MACROD2: variants seen among roughly 807,000 people sequenced by gnomAD.
The protein encoded by MACROD2 is ADP-ribose glycohydrolase MACROD2.
In MACROD2, 36 loss-of-function variants were observed where a neutral mutation model predicts 70.4. That is an observed-to-expected ratio of 0.51 (90% CI 0.39 to 0.68). MACROD2 has a LOEUF of 0.68. MACROD2 is among the 30% of genes least tolerant of loss of function. The probability of loss-of-function intolerance (pLI) is 0.00; values close to 1 mark genes in which losing one functional copy is unlikely to be tolerated. For synonymous variants in MACROD2, 172 were observed against 178.8 expected, an observed-to-expected ratio of 0.96 and a Z score of 0.30; for missense variants, 496 against 538.4, an observed-to-expected ratio of 0.92 and a Z score of 0.78.
chr20:14,336,628 A>T (rs1037890258), intron 3 of MACROD2, among the ~76,000 whole-genome samples: 4 of 152,000 alleles, frequency 2.6e-5, no homozygotes, highest in African/African-American at 9.7e-5. Context: ...GCTACCCCAA[A>T]CTCACTGCAT....
chr20:14,213,994 G>A (rs1011163557), intron 3 of MACROD2, among the ~76,000 whole-genome samples: 1 of 152,062 alleles, frequency 6.6e-6, no homozygotes, highest in African/African-American at 2.4e-5. Flanking sequence ...GCTATTTTGT[G>A]CACCTACTTG....
At chr20:14,599,135 A>T in intron 4 of MACROD2, among the ~76,000 whole-genome samples, 1 of 152,164 alleles carries the variant, frequency 6.6e-6, no homozygotes, top group East Asian at 1.9e-4. Context: ...GTATATATTA[A>T]GTATATAAGT....
At chr20:14,382,163 G>A (rs748335544) in intron 3 of MACROD2, among the ~76,000 whole-genome samples, 7 of 149,556 alleles carry the variant, frequency 4.7e-5, no homozygotes, top group South Asian at 2.1e-4. Context: ...CAGGGTTCAC[G>A]CCATTCTTCT....
chr20:15,854,068 G>A (rs2064330147), intron 8 of MACROD2, among the ~76,000 whole-genome samples: 1 of 152,134 alleles, frequency 6.6e-6, no homozygotes, highest in Admixed American at 6.5e-5. Context: ...TGCACATCTT[G>A]TTCAGTTTTC....
chr20:15,638,308 T>G (rs1600699735), intron 8 of MACROD2, among the ~76,000 whole-genome samples: 2 of 152,300 alleles, frequency 1.3e-5, no homozygotes, highest in East Asian at 3.9e-4. Context: ...AATATCTCAA[T>G]AGAAATGGAA....
At chr20:15,239,680 G>A (rs952535714) in intron 6 of MACROD2, among the ~76,000 whole-genome samples, 3 of 152,082 alleles carry the variant, frequency 2.0e-5, no homozygotes, top group Non-Finnish European at 2.9e-5. Flanking sequence ...AAGCTATCCC[G>A]GAGGATGCAC....
intron 8 of MACROD2, among the ~76,000 whole-genome samples, chr20:15,571,152 T>C (rs2048371954): frequency 6.6e-6 from 1 of 152,176 alleles, no homozygotes; most frequent in South Asian, 2.1e-4. Context: ...AAATACTTTT[T>C]ACTGAAGCCA....
At chr20:15,281,107 C>T (rs560459033) in intron 6 of MACROD2, among the ~76,000 whole-genome samples, 1 of 152,330 alleles carries the variant, frequency 6.6e-6, no homozygotes, top group East Asian at 1.9e-4. Flanking sequence ...TGAGAACTCA[C>T]TCACTATCAC....
At chr20:14,918,276 AG>A (rs2048854669) in intron 5 of MACROD2, among the ~76,000 whole-genome samples, 1 of 152,138 alleles carries the variant, frequency 6.6e-6, no homozygotes, top group South Asian at 2.1e-4. Context: ...GGACTAGAAA[AG>A]GTTTTTCATG....
chr20:14,055,441 T>C (rs1455631555), intron 2 of MACROD2, among the ~76,000 whole-genome samples: 1 of 151,562 alleles, frequency 6.6e-6, no homozygotes, highest in Non-Finnish European at 1.5e-5. Context: ...TCTCTTTTAT[T>C]GCTCTTCCAT....
At position 14,938,940 on chromosome 20, in the gene MACROD2, A is replaced by ATTTTTTTTTT. The variant is rs1230863391; in HGVS notation, c.418+253994_418+254003dup. Among the ~76,000 whole-genome samples the ATTTTTTTTTT allele has an allele frequency of 1.0e-3, 89 of 86,420 alleles. 1 individual carries two copies. Among genetic ancestry groups the ATTTTTTTTTT allele is most frequent in the Middle Eastern group, 5.8e-3 (1 of 172 alleles). The allele number at this position is 86,420 out of a possible 152,430, so 56.7% of individuals were successfully genotyped here. Reference sequence around the variant, plus strand: ...GATATTTTTTTCATTGTTAAATCAGATTTTTTTTTTTTTTTTTTTTTTACT... The same window carrying ATTTTTTTTTT: ...GATATTTTTTTCATTGTTAAATCAGATTTTTTTTTTTTTTTTTTTTTTTTTTTTTTTTACT... On this transcript the variant is annotated intron_variant, in intron 5 of 17. Coordinates refer to ENST00000684519, the MANE Select transcript of MACROD2 (RefSeq NM_001351661.2).
chr20:14,006,601 A>G (rs981667108), intron 2 of MACROD2, among the ~76,000 whole-genome samples: 8 of 152,178 alleles, frequency 5.3e-5, no homozygotes, highest in Non-Finnish European at 1.0e-4. Flanking sequence ...TGTCTCATAA[A>G]GGATTTTTTC....
At chr20:15,907,699 C>T (rs1460666151) in intron 10 of MACROD2, among the ~76,000 whole-genome samples, 1 of 152,132 alleles carries the variant, frequency 6.6e-6, no homozygotes, top group South Asian at 2.1e-4. Context: ...TTTGCTAATT[C>T]TTCTCATTGG....
chr20:14,839,053 C>T (rs764233848), intron 5 of MACROD2, among the ~76,000 whole-genome samples: 1 of 151,990 alleles, frequency 6.6e-6, no homozygotes, highest in Non-Finnish European at 1.5e-5. Flanking sequence ...ACCTTGGGAA[C>T]GTTTAGTCAT....
At chr20:14,277,096 A>C (rs2082265687) in intron 3 of MACROD2, among the ~76,000 whole-genome samples, 1 of 151,962 alleles carries the variant, frequency 6.6e-6, no homozygotes, top group Non-Finnish European at 1.5e-5. Context: ...CTAGCTGATG[A>C]TTTGAGATCA....
chr20:15,379,462 GT>G (rs939376355), intron 6 of MACROD2, among the ~76,000 whole-genome samples: 8 of 148,186 alleles, frequency 5.4e-5, no homozygotes, highest in Middle Eastern at 3.3e-3. Flanking sequence ...TCCAGGGTTT[GT>G]TTTTTTTTTC....
chr20:14,424,286 A>T (rs6042725), intron 3 of MACROD2, among the ~76,000 whole-genome samples: 101,903 of 151,782 alleles, frequency 0.67, 34,726 homozygotes, highest in South Asian at 0.79. Context: ...CCCCTTTTTT[A>T]AATATTTTTA....
At chr20:15,440,206 G>A (rs2046478066) in intron 7 of MACROD2, among the ~76,000 whole-genome samples, 1 of 151,988 alleles carries the variant, frequency 6.6e-6, no homozygotes, top group Admixed American at 6.6e-5. Flanking sequence ...ATTTTCCCTG[G>A]AAAAAAAGAA....
At chr20:15,571,488 A>T (rs1812866908) in intron 8 of MACROD2, among the ~76,000 whole-genome samples, 1 of 151,986 alleles carries the variant, frequency 6.6e-6, no homozygotes, top group African/African-American at 2.4e-5. Flanking sequence ...CATTACAAAT[A>T]TCTAGTTTTA....
Sources: allele counts gnomAD v4.1 joint callset (sites outside exome capture counted in the v4.1 genomes callset), GRCh38; gene constraint gnomAD v4.1.1; transcripts MANE v1.5; gene names NCBI Gene and HGNC (gene_info 2026-07-23, HGNC 2026-07-21).